The following TTLL10 variants were observed in gnomAD, a reference collection of about 807,000 sequenced individuals.
The protein encoded by TTLL10 is tubulin tyrosine ligase like 10.
Under a neutral mutation model 69.0 loss-of-function variants are expected in TTLL10, and 61 were observed. The observed-to-expected ratio is 0.88, with a 90% CI of 0.72 to 1.09. The LOEUF (loss-of-function observed/expected upper bound fraction) is 1.09, where lower values mean the gene tolerates loss of function less well. Among genes scored for constraint, TTLL10 ranks in the 50% least tolerant of loss-of-function variants. The pLI is 0.00. For missense variants in TTLL10, 962 were observed against 945.9 expected (o/e 1.02, Z -0.22); for synonymous variants, 408 against 393.3 (o/e 1.04, Z -0.44).
chr1:1,196,448 A>T, intron 13 of TTLL10, 152 bp from the exon 14 acceptor site: 1 of 629,628 alleles, frequency 1.6e-6, no homozygotes, highest in Non-Finnish European at 2.9e-6. Context: ...TGAACCTGTG[A>T]GGCTGAGTGC....
At chr1:1,186,703 A>G (rs966737258) in intron 13 of TTLL10, among the ~76,000 whole-genome samples, 1 of 152,020 alleles carries the variant, frequency 6.6e-6, no homozygotes, top group Admixed American at 6.6e-5. Flanking sequence ...GGGATATCTC[A>G]TTGTGGGTTT....
At chr1:1,175,527 T>C in intron 3 of TTLL10, 13 of 372,324 alleles carry the variant, frequency 3.5e-5, no homozygotes, top group South Asian at 2.6e-4. Flanking sequence ...CCATTTGTTT[T>C]CCTCAGAGTT....
rs183514641 is a variant in TTLL10 at position 1,196,770 on chromosome 1, C to T, written c.1518+54C>T. The stretch of plus-strand genomic sequence containing the variant: ...TAGACAGATGCAAGGAGGCAGGGGC[C>T]ATCTGTACACCCTGACCACACTGGC... On this transcript the variant is annotated intron_variant, in intron 14 of 15. Coordinates refer to ENST00000379289, the MANE Select transcript of TTLL10 (RefSeq NM_001130045.2). 4.7e-4 allele frequency: 585 copies of T among 1,251,494 alleles called. 5 individuals carry two copies. In the African/African-American group the frequency reaches 7.3e-3, roughly 16 times the overall value. 77.5% of individuals were successfully genotyped at this position (1,251,494 alleles called of 1,614,324 possible). A position where few individuals can be genotyped will look rare whatever the true frequency, so the allele number is the denominator to read the frequency against.
chr1:1,183,110 C>T (rs981370190), intron 11 of TTLL10, 63 bp downstream of exon 11: 22 of 1,509,434 alleles, frequency 1.5e-5, no homozygotes, highest in Middle Eastern at 4.3e-4. Context: ...CCCACTGGTG[C>T]AGTCAGCAGG....
intron 4 of TTLL10, 102 bp downstream of exon 4, chr1:1,179,435 G>A: frequency 7.7e-7 from 1 of 1,301,124 alleles, no homozygotes; most frequent in Non-Finnish European, 1.1e-6. Flanking sequence ...TCATGGGGCA[G>A]GGGCAGGATC....
At chr1:1,192,301 G>A (rs61768486) in intron 13 of TTLL10, among the ~76,000 whole-genome samples, 20,058 of 151,416 alleles carry the variant, frequency 0.13, 2,519 homozygotes, top group East Asian at 0.59. Context: ...TTGGTTTATC[G>A]TTATAAAAAT....
intron 3 of TTLL10, chr1:1,175,712 C>G (rs1646844709): frequency 2.2e-6 from 1 of 457,092 alleles, no homozygotes; most frequent in South Asian, 1.5e-5. Context: ...TGCAGCAACC[C>G]TGCGAGGCTG....
chr1:1,177,949 C>T (rs1379979032), intron 3 of TTLL10, among the ~76,000 whole-genome samples: 3 of 152,216 alleles, frequency 2.0e-5, no homozygotes, highest in Non-Finnish European at 4.4e-5. Flanking sequence ...GGGGGCCCAG[C>T]CTGTGTTCCG....
chr1:1,181,757 G>A lies in TTLL10; in HGVS notation c.772G>A (p.Ala258Thr). The A allele has an allele frequency of 3.1e-6, 5 of 1,605,942 alleles. No individual in the cohort carries two copies. Among genetic ancestry groups the A allele is most frequent in the Non-Finnish European group, 4.2e-6 (5 of 1,177,416 alleles). The change falls in exon 9 of 16, where the codon GCA becomes ACA. Residue 258 changes from alanine to threonine, a missense_variant. Transcript: ENST00000379289. This position sits in a 1 kb window ranked among gnomAD's most constrained non-coding sequence, Gnocchi z 4.6. ...GGGCTGCAGGCTGGAAAAGGACGCA[G>A]CAGCGCCCGCCCTGGAGGACCTCCC... ...GVQARLEKDA[A>T]APALEDLPWT...
intron 13 of TTLL10, chr1:1,196,327 G>T: frequency 2.3e-6 from 1 of 432,318 alleles, no homozygotes; most frequent in Non-Finnish European, 4.3e-6. Flanking sequence ...TTTGCTATCC[G>T]TCTCTTCTGC....
In TTLL10 at chr1:1,179,288, G is replaced by C; in HGVS notation, c.73G>C (p.Gly25Arg). The C allele has an allele frequency of 3.9e-6, 6 of 1,551,208 alleles. No individual in the cohort carries two copies. The highest frequency in any genetic ancestry group is 5.2e-6 in the Non-Finnish European group (6 of 1,146,814). The change falls in exon 4 of 16, where the codon GGC (glycine) becomes CGC (arginine). Residue 25 changes from glycine (G) to arginine (R), a missense_variant. Transcript: ENST00000379289. ...TCGGACCCGAGCCGGCTTCAAGAGG[G>C]GCAAGAGGCCAAGGATCCAGCAGAG... is the stretch of plus-strand genomic sequence containing the variant. ...PTRTRAGFKRGKRPRIQQRPR... is the reference protein window; with the variant it reads ...PTRTRAGFKRRKRPRIQQRPR...
intron 3 of TTLL10, among the ~76,000 whole-genome samples, 176 bp from the exon 4 acceptor site, chr1:1,179,013 G>A (rs1297709880): frequency 6.6e-6 from 1 of 152,240 alleles, no homozygotes; most frequent in African/African-American, 2.4e-5. Flanking sequence ...CACGGCGCCA[G>A]GCCCCACAGC....
In TTLL10 at chr1:1,181,077, C is replaced by T. The variant is rs543617705; in HGVS notation, c.755+217C>T. On this transcript the variant is annotated intron_variant, in intron 8 of 15. Transcript: ENST00000379289. This position sits in a 1 kb window ranked among gnomAD's most constrained non-coding sequence, Gnocchi z 4.6. ...TCCCAGGCTGGCCCCAGCCCCCACCCGTCAGCACCTGCCTCCACCTTCCAC... is the reference window on the plus strand; with the variant it reads ...TCCCAGGCTGGCCCCAGCCCCCACCTGTCAGCACCTGCCTCCACCTTCCAC... Among the ~76,000 whole-genome samples the T allele has an allele frequency of 3.1e-4, 47 of 151,024 alleles. No homozygotes were observed. Among genetic ancestry groups the T allele is most frequent in the African/African-American group, 1.0e-3 (43 of 41,010 alleles).
At chr1:1,179,544 T>C in intron 4 of TTLL10, 113 bp from the exon 5 acceptor site, 1 of 1,493,274 alleles carries the variant, frequency 6.7e-7, no homozygotes, top group South Asian at 1.3e-5. Flanking sequence ...CGGCCCAGGG[T>C]TCCGCCTGGC....
At chr1:1,179,993 G>C in intron 5 of TTLL10, 41 bp from the exon 6 acceptor site, 1 of 1,475,720 alleles carries the variant, frequency 6.8e-7, no homozygotes, top group Non-Finnish European at 9.0e-7. Context: ...TGAGTGGGCA[G>C]CTCCCGTAGC....
chr1:1,193,186 G>A (rs979580349), intron 13 of TTLL10, among the ~76,000 whole-genome samples: 11 of 152,070 alleles, frequency 7.2e-5, no homozygotes, highest in Admixed American at 2.0e-4. Context: ...TTAGCCAGGC[G>A]TGGTGGTGAG....
chr1:1,188,206 A>G (rs1274388537), intron 13 of TTLL10, among the ~76,000 whole-genome samples: 2 of 152,154 alleles, frequency 1.3e-5, no homozygotes, highest in African/African-American at 2.4e-5. Context: ...CCATTAGTGT[A>G]TATGTCTGTC....
Position 1,182,204 on chromosome 1 carries a change from G to A in TTLL10, c.831-157G>A, listed in dbSNP as rs577699051. 2.8e-3 allele frequency among the ~76,000 whole-genome samples: 434 copies of A among 152,326 alleles called. 4 individuals carry two copies. The highest frequency in any genetic ancestry group is 9.3e-3 in the African/African-American group (388 of 41,582). On this transcript the variant is annotated intron_variant, in intron 9 of 15. Transcript: ENST00000379289. ...GCCCGTTGGGGGGGTGCTGCAAAGGGGCAGGAAACGCAAAGTCCCCACAAG... is the reference window on the plus strand; with the variant it reads ...GCCCGTTGGGGGGGTGCTGCAAAGGAGCAGGAAACGCAAAGTCCCCACAAG...
chr1:1,197,295 C>A (rs561503674), intron 15 of TTLL10, 109 bp downstream of exon 15: 60 of 1,336,626 alleles, frequency 4.5e-5, no homozygotes, highest in Middle Eastern at 2.5e-4. Context: ...TTCCACCTCC[C>A]GAGGGCCTGT....
Sources: gnomAD v4.1 joint callset for allele counts (sites outside exome capture counted in the v4.1 genomes callset) on GRCh38, gnomAD v4.1.1 for gene constraint, Gnocchi (gnomAD v3.1) non-coding constraint, MANE v1.5 for transcripts, NCBI Gene and HGNC (gene_info 2026-07-23, HGNC 2026-07-21) for gene names.